The following LETM1 variants were observed in gnomAD, a reference collection of about 807,000 sequenced individuals.
The protein encoded by LETM1 is leucine zipper and EF-hand containing transmembrane protein 1.
A neutral mutation model predicts 74.5 loss-of-function variants in LETM1; 50 were observed. That is an observed-to-expected ratio of 0.67 (90% CI 0.53 to 0.85). The LOEUF is 0.85. Ranked by LOEUF, LETM1 falls within the 40% of genes least tolerant of loss-of-function variation. The pLI is 0.00. For missense variants in LETM1, 824 were observed against 967.8 expected, an observed-to-expected ratio of 0.85 and a Z score of 1.97; for synonymous variants, 446 against 407.1, an observed-to-expected ratio of 1.10 and a Z score of -1.15.
chr4:1,819,835 G>A (rs967878688), intron 10 of LETM1, among the ~76,000 whole-genome samples: 1 of 152,194 alleles, frequency 6.6e-6, no homozygotes, highest in African/African-American at 2.4e-5. Context: ...GCAGACTCGG[G>A]TGCACTTTCT....
rs899202619 is a variant in LETM1, at chr4:1,823,564, C to T, written c.1332+80G>A. 34 of 1,572,952 alleles carry T rather than the reference C, an allele frequency of 2.2e-5. No homozygotes were observed. The Middle Eastern group carries it at 9.1e-4, about 42-fold the overall frequency. ...CGCCCATGGTTGAGGAATGAGTGCG[C>T]TTGCACACCTCCCCCCACCCCAGAA... On this transcript the variant is annotated intron_variant, in intron 8 of 13. Coordinates refer to ENST00000302787, the MANE Select transcript of LETM1 (RefSeq NM_012318.3).
At chr4:1,837,699 G>GTTTTTT (rs1156556783) in intron 3 of LETM1, among the ~76,000 whole-genome samples, 2 of 125,760 alleles carry the variant, frequency 1.6e-5, no homozygotes, top group Admixed American at 8.1e-5. Flanking sequence ...AAATTTACAA[G>GTTTTTT]TTTTTTTTTT....
At chr4:1,831,433 C>T (rs764712048) in intron 6 of LETM1, among the ~76,000 whole-genome samples, 6 of 152,216 alleles carry the variant, frequency 3.9e-5, no homozygotes, top group African/African-American at 9.6e-5. Context: ...GTACTGTTTC[C>T]CACCTGGCTC....
intron 2 of LETM1, among the ~76,000 whole-genome samples, chr4:1,844,362 G>A (rs1316582128): frequency 6.6e-6 from 1 of 152,252 alleles, no homozygotes; most frequent in Non-Finnish European, 1.5e-5. Flanking sequence ...AAGTCTGGGT[G>A]CTGCTTCTCT....
chr4:1,833,021 C>T, intron 5 of LETM1, 74 bp from the exon 6 acceptor site: 1 of 1,337,846 alleles, frequency 7.5e-7, no homozygotes. Context: ...AACCACATTC[C>T]CAAAGGGTGC....
At chr4:1,832,130 G>A (rs180798399) in intron 6 of LETM1, among the ~76,000 whole-genome samples, 121 of 152,014 alleles carry the variant, frequency 8.0e-4, no homozygotes, top group Non-Finnish European at 1.3e-3. Flanking sequence ...ATGAAGCCCT[G>A]TCTCTACTAA....
intron 6 of LETM1, among the ~76,000 whole-genome samples, chr4:1,827,294 T>A (rs1189967221): frequency 1.3e-3 from 183 of 138,818 alleles, no homozygotes; most frequent in Middle Eastern, 3.7e-3. Context: ...TTTTTTTTTT[T>A]AATTTATTTT....
At chr4:1,847,069 A>G (rs1246032031) in intron 2 of LETM1, among the ~76,000 whole-genome samples, 2 of 152,106 alleles carry the variant, frequency 1.3e-5, no homozygotes, top group African/African-American at 4.8e-5. Context: ...AGTGGCTCAC[A>G]CCTGTAATCC....
At chr4:1,840,472 T>C (rs944617719) in intron 3 of LETM1, among the ~76,000 whole-genome samples, 3 of 151,672 alleles carry the variant, frequency 2.0e-5, no homozygotes, top group Admixed American at 6.6e-5. Flanking sequence ...TCAAGACCAT[T>C]CTGGCTAACA....
At chr4:1,835,953 G>A (rs1256164943) in intron 4 of LETM1, among the ~76,000 whole-genome samples, 1 of 152,196 alleles carries the variant, frequency 6.6e-6, no homozygotes, top group Non-Finnish European at 1.5e-5. Flanking sequence ...GGCTTAGCCT[G>A]TAGTCCCAGC....
At chr4:1,848,733 A>G (rs1043966870) in intron 2 of LETM1, among the ~76,000 whole-genome samples, 4 of 150,840 alleles carry the variant, frequency 2.7e-5, no homozygotes, top group East Asian at 1.9e-4. Flanking sequence ...AAAAAAAAAA[A>G]AAAGAAAAAA....
At chr4:1,820,936 A>G (rs1218191459) in intron 10 of LETM1, among the ~76,000 whole-genome samples, 8 of 152,008 alleles carry the variant, frequency 5.3e-5, no homozygotes, top group Admixed American at 5.2e-4. Flanking sequence ...AGGCAGGAGA[A>G]TCACTTGAGC....
intron 10 of LETM1, among the ~76,000 whole-genome samples, chr4:1,821,600 G>C (rs1417930546): frequency 6.6e-6 from 1 of 152,120 alleles, no homozygotes; most frequent in Non-Finnish European, 1.5e-5. Flanking sequence ...AGGCAGAAGA[G>C]TTGCTTGAAC....
At chr4:1,852,312 T>G (rs776185541) in intron 1 of LETM1, among the ~76,000 whole-genome samples, 4 of 152,182 alleles carry the variant, frequency 2.6e-5, no homozygotes, top group Non-Finnish European at 5.9e-5. Flanking sequence ...AAAGGGTACC[T>G]GGTACCTAGG....
intron 6 of LETM1, 140 bp from the exon 7 acceptor site, chr4:1,825,823 GT>G: frequency 2.0e-6 from 2 of 983,636 alleles, no homozygotes; most frequent in Non-Finnish European, 3.0e-6. Flanking sequence ...CCAGTTCTAG[GT>G]TAGAAGTGAC....
chr4:1,814,214 G>T lies in LETM1; in HGVS notation c.*210C>A. The T allele has an allele frequency of 1.2e-6, 1 of 811,810 alleles. No individual in the cohort carries two copies. Among genetic ancestry groups the T allele is most frequent in the Non-Finnish European group, 1.9e-6 (1 of 523,562 alleles). The allele number at this position is 811,810 out of a possible 1,614,324, so 50.3% of individuals were successfully genotyped here. ...GCAGCCACACCACAGTGTGGATCCA[G>T]ACACGATTCTGTGGAGGGGTTCCGG... On this transcript the variant is annotated 3_prime_UTR_variant, in exon 14 of 14. Coordinates refer to ENST00000302787, the MANE Select transcript of LETM1 (RefSeq NM_012318.3).
In LETM1 at chr4:1,815,784, G is replaced by A. The variant is rs754879797; in HGVS notation, c.1950C>T (p.Val650=). Residue 650 remains valine (V), a synonymous_variant, in exon 13 of 14, where the codon GTC becomes GTT. Coordinates refer to ENST00000302787, the MANE Select transcript of LETM1 (RefSeq NM_012318.3). ...GCTTCATGGCGTTGATGAGCTCAGCGACACTGATGACGTTCTCCCTGTGGA... is the reference window on the plus strand; with the variant it reads ...GCTTCATGGCGTTGATGAGCTCAGCAACACTGATGACGTTCTCCCTGTGGA... The part of the protein sequence containing the change: ...GMPTGENVIS[V]AELINAMKQV... The A allele has an allele frequency of 5.0e-5, 81 of 1,614,102 alleles. No homozygotes were observed. Among genetic ancestry groups the A allele is most frequent in the African/African-American group, 2.3e-4 (17 of 75,074 alleles).
At chr4:1,848,709 C>G (rs1359682599) in intron 2 of LETM1, among the ~76,000 whole-genome samples, 3 of 106,852 alleles carry the variant, frequency 2.8e-5, no homozygotes, top group African/African-American at 3.7e-5. Flanking sequence ...GAGCAAGGCT[C>G]TGTCTCAAAA....
At chr4:1,855,326 T>C (rs919860393) in intron 1 of LETM1, among the ~76,000 whole-genome samples, 1 of 152,244 alleles carries the variant, frequency 6.6e-6, no homozygotes, top group Non-Finnish European at 1.5e-5. Flanking sequence ...CCACGCACCC[T>C]GAGGACCCTC....
Sources: allele counts gnomAD v4.1 joint callset (sites outside exome capture counted in the v4.1 genomes callset), GRCh38; gene constraint gnomAD v4.1.1; transcripts MANE v1.5; gene names NCBI Gene and HGNC (gene_info 2026-07-23, HGNC 2026-07-21).